IL17RB: variants seen among roughly 807,000 people sequenced by gnomAD.
IL17RB encodes interleukin 17 receptor B.
In IL17RB, 36 loss-of-function variants were observed where a neutral mutation model predicts 43.9. The ratio of observed to expected loss-of-function variants is 0.82; its 90% CI spans 0.63 to 1.08. The LOEUF (loss-of-function observed/expected upper bound fraction) is 1.08, where lower values mean the gene tolerates loss of function less well. Ranked by LOEUF, IL17RB falls within the 50% of genes least tolerant of loss-of-function variation. IL17RB has a pLI of 0.00. For missense variants in IL17RB, 613 were observed against 613.6 expected (o/e 1.00, Z 0.01); for synonymous variants, 225 against 225.4 (o/e 1.00, Z 0.02).
At chr3:53,859,996 C>G in intron 9 of IL17RB, 134 bp from the exon 10 acceptor site, 1 of 634,928 alleles carries the variant, frequency 1.6e-6, no homozygotes, top group East Asian at 2.9e-5. Context: ...GGCAACAAAG[C>G]GAGACTCTGT....
intron 7 of IL17RB, 103 bp downstream of exon 7, chr3:53,857,089 G>C (rs1269438396): frequency 8.3e-7 from 1 of 1,206,668 alleles, no homozygotes; most frequent in African/African-American, 1.5e-5. Flanking sequence ...CTACTTTGAT[G>C]AATTCAACAG....
Position 53,865,073 on chromosome 3 carries a change from T to A in IL17RB, c.1274T>A (p.Leu425His), listed in dbSNP as rs370331617. 1.9e-6 allele frequency: 3 copies of A among 1,614,032 alleles called. No homozygotes were observed. The African/African-American group carries it at 4.0e-5, about 22-fold the overall frequency. The part of the protein sequence containing the change: ...PSENSQDLFP[L>H]AFNLFCSDLR... Reference sequence around the variant, plus strand: ...GAGAACTCTCAAGACCTCTTCCCCCTTGCCTTTAACCTTTTCTGCAGTGAT... The same window carrying A: ...GAGAACTCTCAAGACCTCTTCCCCCATGCCTTTAACCTTTTCTGCAGTGAT... Residue 425 changes from leucine (L) to histidine (H), a missense_variant, in exon 11 of 11, where the codon CTT becomes CAT. By Grantham distance (99) the Leu-to-His change is moderately conservative (BLOSUM62 -3). Coordinates refer to ENST00000288167, the MANE Select transcript of IL17RB (RefSeq NM_018725.4).
At chr3:53,852,212 G>T in intron 4 of IL17RB, 86 bp downstream of exon 4, 2 of 1,207,658 alleles carry the variant, frequency 1.7e-6, no homozygotes, top group Non-Finnish European at 2.4e-6. Flanking sequence ...TGCGATCATG[G>T]CTCACTGCGA....
Position 53,861,065 on chromosome 3 carries a change from G to A in IL17RB, c.946+837G>A, listed in dbSNP as rs115667491. 2.0e-5 allele frequency: 3 copies of A among 152,306 alleles called. No homozygotes were observed. The South Asian group carries it at 6.2e-4, about 32-fold the overall frequency. The allele number at this position is 152,306 out of a possible 1,614,324, so 9.4% of individuals were successfully genotyped here. A position where few individuals can be genotyped will look rare whatever the true frequency, so the allele number is the denominator to read the frequency against. ...TGCTACTGTGGTGAGCTCAAGGGTTGCAAGTATCGACTTAAAACACCCTGT... is the reference window on the plus strand; with the variant it reads ...TGCTACTGTGGTGAGCTCAAGGGTTACAAGTATCGACTTAAAACACCCTGT... On this transcript the variant is annotated intron_variant, in intron 10 of 10. Coordinates refer to ENST00000288167, the MANE Select transcript of IL17RB (RefSeq NM_018725.4).
chr3:53,850,805 TAA>T (rs1222094806), intron 3 of IL17RB, among the ~76,000 whole-genome samples: 2 of 41,316 alleles, frequency 4.8e-5, no homozygotes, highest in East Asian at 7.7e-4. Context: ...TGTCTCAAAA[TAA>T]AATAAAATAA....
chr3:53,848,624 G>T, intron 1 of IL17RB, 40 bp from the exon 2 acceptor site: 7 of 1,575,788 alleles, frequency 4.4e-6, no homozygotes, highest in Non-Finnish European at 6.0e-6. Context: ...CTTGTGGTTT[G>T]CCGGCTTCAA....
At chr3:53,858,986 C>G (rs1451261834) in intron 9 of IL17RB, 168 bp downstream of exon 9, 2 of 518,490 alleles carry the variant, frequency 3.9e-6, no homozygotes, top group Non-Finnish European at 6.9e-6. Context: ...CCCAGAGAAC[C>G]TAGAATCTGA....
rs114840183 is a variant in IL17RB, at chr3:53,858,421, A to T, written c.748-298A>T. 1.7e-3 allele frequency: 1,979 copies of T among 1,142,718 alleles called. 32 individuals carry two copies. In the African/African-American group the frequency reaches 0.03, roughly 17 times the overall value. The allele number at this position is 1,142,718 out of a possible 1,614,324, so 70.8% of individuals were successfully genotyped here. Reference sequence around the variant, plus strand: ...CTGCTGCTCCTTTTTTCTAGAGGAAATGTTTGTCTACGTGGTAAGATATGA... The same window carrying T: ...CTGCTGCTCCTTTTTTCTAGAGGAATTGTTTGTCTACGTGGTAAGATATGA... On this transcript the variant is annotated intron_variant, in intron 8 of 10. Transcript: ENST00000288167.
In IL17RB at chr3:53,864,845, G is replaced by C. The variant is rs749776929; in HGVS notation, c.1046G>C (p.Cys349Ser). ...GAAATATGTTTCCATCACACAATTT[G>C]TTACTTCACTGAATTTCTTCAAAAC... ...PSEICFHHTI[C>S]YFTEFLQNHC... The change falls in exon 11 of 11, where the codon TGT becomes TCT. Residue 349 changes from cysteine (C) to serine (S), a missense_variant. Transcript: ENST00000288167. The C allele has an allele frequency of 2.5e-6, 4 of 1,614,154 alleles. No individual in the cohort carries two copies. The Admixed American group carries it at 6.7e-5, about 27-fold the overall frequency.
At chr3:53,856,807 A>G in intron 6 of IL17RB, 37 bp from the exon 7 acceptor site, 1 of 1,612,166 alleles carries the variant, frequency 6.2e-7, no homozygotes, top group Non-Finnish European at 8.5e-7. Context: ...GGGAAGAGTT[A>G]GCAAGTTCAT....
In IL17RB at chr3:53,849,717, G is replaced by A. The variant is rs1277795774; in HGVS notation, c.148G>A (p.Val50Ile). 3 of 1,613,276 alleles carry A rather than the reference G, an allele frequency of 1.9e-6. No individual in the cohort carries two copies. Among genetic ancestry groups the A allele is most frequent in the South Asian group, 2.2e-5 (2 of 90,908 alleles). Residue 50 changes from valine (V) to isoleucine (I), a missense_variant, in exon 3 of 11, where the codon GTA becomes ATA. By Grantham distance (29) the Val-to-Ile change is conservative. Transcript: ENST00000288167. Reference protein sequence around the residue: ...LIPGDLRDLRVEPVTTSVATG... With the variant: ...LIPGDLRDLRIEPVTTSVATG... ...CCCCGGAGACTTGAGGGACCTCCGA[G>A]TAGAACCTGTTACAACTAGTGTTGC...
chr3:53,860,981 A>G (rs940095864), intron 10 of IL17RB: 20 of 152,246 alleles, frequency 1.3e-4, no homozygotes, highest in Non-Finnish European at 7.3e-5. Flanking sequence ...TCATAACTGC[A>G]TACAATTAAT....
chr3:53,863,493 G>A (rs1243996146), intron 10 of IL17RB, among the ~76,000 whole-genome samples: 1 of 152,208 alleles, frequency 6.6e-6, no homozygotes, highest in Non-Finnish European at 1.5e-5. Flanking sequence ...TTAACTCCAT[G>A]TTCTAAGCTA....
At position 53,860,113 on chromosome 3, in the gene IL17RB, A is replaced by C; in HGVS notation, c.848-17A>C. On this transcript the variant is annotated splice_polypyrimidine_tract_variant and intron_variant, in intron 9 of 10. Coordinates refer to ENST00000288167, the MANE Select transcript of IL17RB (RefSeq NM_018725.4). ...TGGATTTGTTTTCCAAAGGTGAATA[A>C]GCTTTGTTTTTTCCAGACAAAAGCA... 1 of 1,594,156 alleles carries C rather than the reference A, an allele frequency of 6.3e-7. No homozygotes were observed.
rs2107024053 is a variant in IL17RB at position 53,860,119 on chromosome 3, G to T, written c.848-11G>T. ...TGTTTTCCAAAGGTGAATAAGCTTTGTTTTTTCCAGACAAAAGCAAGCCGG... is the reference window on the plus strand; with the variant it reads ...TGTTTTCCAAAGGTGAATAAGCTTTTTTTTTTCCAGACAAAAGCAAGCCGG... On this transcript the variant is annotated splice_polypyrimidine_tract_variant and intron_variant, in intron 9 of 10. Coordinates refer to ENST00000288167, the MANE Select transcript of IL17RB (RefSeq NM_018725.4). 7 of 1,608,598 alleles carry T rather than the reference G, an allele frequency of 4.4e-6. No homozygotes were observed. The East Asian group carries it at 1.6e-4, about 36-fold the overall frequency.
At chr3:53,857,074 C>G in intron 7 of IL17RB, 88 bp downstream of exon 7, 1 of 1,367,130 alleles carries the variant, frequency 7.3e-7, no homozygotes, top group Non-Finnish European at 1.0e-6. Flanking sequence ...TCCAAACGTG[C>G]TGGGCTACTT....
chr3:53,858,707 G>GC lies in IL17RB; in HGVS notation c.748-12_748-11insC. ...ATGGTGTGAACTTTCTGAGCCTCTT[G>GC]TTTTTCCTCAGCTGACTCCATATTT... On this transcript the variant is annotated splice_polypyrimidine_tract_variant and intron_variant, in intron 8 of 10. Transcript: ENST00000288167. The GC allele has an allele frequency of 6.2e-7, 1 of 1,613,466 alleles. No homozygotes were observed. The highest frequency in any genetic ancestry group is 2.2e-5 in the East Asian group (1 of 44,872).
Position 53,865,485 on chromosome 3 carries a change from G to T in IL17RB, c.*177G>T. The T allele has an allele frequency of 1.9e-6, 1 of 525,510 alleles. No individual in the cohort carries two copies. The highest frequency in any genetic ancestry group is 3.3e-5 in the South Asian group (1 of 30,090). The allele number at this position is 525,510 out of a possible 1,614,324, so 32.6% of individuals were successfully genotyped here. On this transcript the variant is annotated 3_prime_UTR_variant, in exon 11 of 11. Coordinates refer to ENST00000288167, the MANE Select transcript of IL17RB (RefSeq NM_018725.4). ...ACTAATGTAGCATTAACTAACGATTGGAAACTACATTTACAACTTCAAAGC... is the reference window on the plus strand; with the variant it reads ...ACTAATGTAGCATTAACTAACGATTTGAAACTACATTTACAACTTCAAAGC...
chr3:53,846,653 G>T lies in IL17RB; in HGVS notation c.60+5G>T. The stretch of plus-strand genomic sequence containing the variant: ...AGCGCCGTACCCCGAGAGCCGGTAA[G>T]CCCCCGCCAGCACCTCTTCCCTCAT... On this transcript the variant is annotated splice_donor_5th_base_variant and intron_variant, in intron 1 of 10. Coordinates refer to ENST00000288167, the MANE Select transcript of IL17RB (RefSeq NM_018725.4). The T allele has an allele frequency of 6.3e-7, 1 of 1,587,458 alleles. No individual in the cohort carries two copies.
Sources: gnomAD v4.1 joint callset for allele counts (sites outside exome capture counted in the v4.1 genomes callset) on GRCh38, gnomAD v4.1.1 for gene constraint, MANE v1.5 for transcripts, NCBI Gene and HGNC (gene_info 2026-07-23, HGNC 2026-07-21) for gene names.